The following NFIA variants were observed in gnomAD, a reference collection of about 807,000 sequenced individuals.
The protein encoded by NFIA is nuclear factor 1 A-type.
In NFIA, 8 loss-of-function variants were observed where a neutral mutation model predicts 62.8. The observed-to-expected ratio is 0.13, with a 90% CI of 0.07 to 0.23. The LOEUF is 0.23. NFIA is among the 10% of genes least tolerant of loss of function. The pLI is 1.00. For synonymous variants in NFIA, 235 were observed against 238.1 expected, an observed-to-expected ratio of 0.99 and a Z score of 0.12; for missense variants, 410 against 642.1, an observed-to-expected ratio of 0.64 and a Z score of 3.91.
intron 3 of NFIA, among the ~76,000 whole-genome samples, chr1:61,317,377 G>A (rs1323788698): frequency 6.6e-6 from 1 of 151,914 alleles, no homozygotes; most frequent in Admixed American, 6.6e-5. Flanking sequence ...GGCCTCTATA[G>A]ATATTCAATA....
At chr1:61,423,435 C>A (rs541032092) in intron 9 of NFIA, among the ~76,000 whole-genome samples, 1 of 152,080 alleles carries the variant, frequency 6.6e-6, no homozygotes, top group South Asian at 2.1e-4. Flanking sequence ...AAATGTCCTA[C>A]AATAATCTCC....
intron 3 of NFIA, among the ~76,000 whole-genome samples, chr1:61,291,100 G>A (rs1658853191): frequency 6.6e-6 from 1 of 152,188 alleles, no homozygotes; most frequent in South Asian, 2.1e-4. Flanking sequence ...TAGACCACTG[G>A]TTAATAGCCT....
At chr1:61,173,129 A>G (rs372368206) in intron 2 of NFIA, among the ~76,000 whole-genome samples, 1 of 152,228 alleles carries the variant, frequency 6.6e-6, no homozygotes, top group East Asian at 1.9e-4. Flanking sequence ...CCCTAGCTCA[A>G]AAGCCAGTGC....
chr1:61,188,386 C>T (rs1651361268), intron 2 of NFIA, among the ~76,000 whole-genome samples: 1 of 152,058 alleles, frequency 6.6e-6, no homozygotes, highest in Non-Finnish European at 1.5e-5. Flanking sequence ...GTGTCATGGG[C>T]TGCAAAGAAA....
intron 2 of NFIA, among the ~76,000 whole-genome samples, chr1:61,189,557 C>T (rs1439185164): frequency 1.3e-5 from 2 of 151,928 alleles, no homozygotes. Flanking sequence ...CCCAGCTACT[C>T]GGGAGGCTGA....
intron 3 of NFIA, among the ~76,000 whole-genome samples, chr1:61,329,095 T>A (rs2100385115): frequency 6.7e-6 from 1 of 149,812 alleles, no homozygotes; most frequent in East Asian, 1.9e-4. Context: ...TCGCCCAGGC[T>A]GGAGTGCAGT....
chr1:61,340,171 T>C (rs1203151745), intron 4 of NFIA, among the ~76,000 whole-genome samples: 1 of 152,190 alleles, frequency 6.6e-6, no homozygotes, highest in Non-Finnish European at 1.5e-5. Flanking sequence ...ATGAATACTC[T>C]TATTATAAAG....
intron 10 of NFIA, among the ~76,000 whole-genome samples, chr1:61,453,770 A>C (rs1668179278): frequency 6.6e-6 from 1 of 152,138 alleles, no homozygotes; most frequent in South Asian, 2.1e-4. Context: ...GGCCTACTAG[A>C]AACACAGTTT....
intron 3 of NFIA, among the ~76,000 whole-genome samples, chr1:61,319,763 A>G (rs902883559): frequency 5.3e-5 from 8 of 149,672 alleles, no homozygotes; most frequent in African/African-American, 7.5e-5. Flanking sequence ...GAAGAAATCC[A>G]CCAATGATTT....
At chr1:61,239,110 T>C (rs1480865121) in intron 2 of NFIA, among the ~76,000 whole-genome samples, 1 of 152,240 alleles carries the variant, frequency 6.6e-6, no homozygotes, top group Admixed American at 6.5e-5. Context: ...AGTTATATCC[T>C]GTTCAGGATT....
chr1:61,077,461 C>T (rs1390720005), upstream of NFIA: 1 of 527,484 alleles, frequency 1.9e-6, no homozygotes, highest in Middle Eastern at 3.2e-4. Flanking sequence ...AAAAAATTCT[C>T]CAAGAAGCCT....
intron 10 of NFIA, among the ~76,000 whole-genome samples, chr1:61,435,336 G>C (rs904813559): frequency 6.6e-6 from 1 of 152,204 alleles, no homozygotes; most frequent in Admixed American, 6.5e-5. Context: ...CCCCAATTAA[G>C]TGTGGTTTAA....
chr1:61,186,690 A>G (rs1447804262), intron 2 of NFIA, among the ~76,000 whole-genome samples: 1 of 152,234 alleles, frequency 6.6e-6, no homozygotes, highest in Non-Finnish European at 1.5e-5. Flanking sequence ...AGGTAAAAAT[A>G]TGTCCCCTAG....
At chr1:61,194,314 G>A (rs759074886) in intron 2 of NFIA, among the ~76,000 whole-genome samples, 39 of 152,124 alleles carry the variant, frequency 2.6e-4, no homozygotes, top group Non-Finnish European at 4.9e-4. Context: ...TTATTTTCTA[G>A]TATTTTTAAA....
chr1:61,188,516 C>T (rs955910126), intron 2 of NFIA, among the ~76,000 whole-genome samples: 1 of 152,082 alleles, frequency 6.6e-6, no homozygotes, highest in Non-Finnish European at 1.5e-5. Flanking sequence ...TAAAAGAGGA[C>T]AATTTATTAA....
chr1:61,397,541 A>T (rs1057188440), intron 7 of NFIA, among the ~76,000 whole-genome samples: 2 of 152,158 alleles, frequency 1.3e-5, no homozygotes, highest in Admixed American at 1.3e-4. Context: ...ATTCTTGTCT[A>T]TGATAGTACT....
chr1:61,195,896 A>G (rs1354831536), intron 2 of NFIA, among the ~76,000 whole-genome samples: 1 of 152,154 alleles, frequency 6.6e-6, no homozygotes, highest in Admixed American at 6.5e-5. Flanking sequence ...AAAATACTAT[A>G]ACCGTTTTAA....
intron 10 of NFIA, among the ~76,000 whole-genome samples, chr1:61,447,163 T>A (rs77755479): frequency 2.0e-5 from 3 of 152,204 alleles, no homozygotes; most frequent in Non-Finnish European, 4.4e-5. Context: ...AGGAAAAGAT[T>A]ATTTTAATGT....
At chr1:61,210,409 C>T (rs1019006700) in intron 2 of NFIA, among the ~76,000 whole-genome samples, 2 of 152,050 alleles carry the variant, frequency 1.3e-5, no homozygotes, top group African/African-American at 4.8e-5. Flanking sequence ...CTTTTTTCCC[C>T]CAGAACATTT....
Sources: gnomAD v4.1 joint callset for allele counts (sites outside exome capture counted in the v4.1 genomes callset) on GRCh38, gnomAD v4.1.1 for gene constraint, MANE v1.5 for transcripts, NCBI Gene and HGNC (gene_info 2026-07-23, HGNC 2026-07-21) for gene names.